ENPP2: variants seen among roughly 807,000 people sequenced by gnomAD.
The protein encoded by ENPP2 is autotaxin.
In ENPP2, 51 loss-of-function variants were observed where a neutral mutation model predicts 120.2. The observed-to-expected ratio is 0.42, with a 90% CI of 0.34 to 0.54. The LOEUF is 0.54. ENPP2 is among the 20% of genes least tolerant of loss of function. The pLI is 0.04. For missense variants in ENPP2, 920 were observed against 1,066.5 expected, an observed-to-expected ratio of 0.86 and a Z score of 1.91; for synonymous variants, 365 against 366.4, an observed-to-expected ratio of 1.00 and a Z score of 0.04.
At position 119,559,355 on chromosome 8, in the gene ENPP2, C is replaced by G. The variant is rs1813731728; in HGVS notation, c.2422-1664G>C. Among the ~76,000 whole-genome samples, 7 of 152,084 alleles carry G rather than the reference C, an allele frequency of 4.6e-5. No individual in the cohort carries two copies. The South Asian group carries it at 1.5e-3, about 32-fold the overall frequency. ...CAATTTTTTTCTTTGTAAATGCAGT[C>G]ATTTTGAATGTGTGGACAGGGGTGA... On this transcript the variant is annotated intron_variant, in intron 24 of 24. Coordinates refer to ENST00000075322, the MANE Select transcript of ENPP2 (RefSeq NM_001040092.3).
At chr8:119,573,494 A>G (rs1056113102) in intron 19 of ENPP2, among the ~76,000 whole-genome samples, 64 of 148,176 alleles carry the variant, frequency 4.3e-4, no homozygotes, top group Non-Finnish European at 8.3e-4. Flanking sequence ...ACTGCTCTAC[A>G]TATATAGATT....
At chr8:119,638,000 T>G (rs1240274974) in intron 2 of ENPP2, among the ~76,000 whole-genome samples, 1 of 152,228 alleles carries the variant, frequency 6.6e-6, no homozygotes, top group Non-Finnish European at 1.5e-5. Flanking sequence ...TAAAGATAGC[T>G]CACTGCCTTT....
At chr8:119,595,392 C>T (rs372209022) in intron 11 of ENPP2, among the ~76,000 whole-genome samples, 2 of 152,284 alleles carry the variant, frequency 1.3e-5, no homozygotes, top group East Asian at 1.9e-4. Flanking sequence ...TTAGCTATTT[C>T]CTTCTCTATA....
chr8:119,581,384 T>C (rs1392041012), intron 18 of ENPP2, among the ~76,000 whole-genome samples: 1 of 152,002 alleles, frequency 6.6e-6, no homozygotes, highest in Non-Finnish European at 1.5e-5. Flanking sequence ...CCTGGGAGGC[T>C]GACCTCTAGG....
At chr8:119,582,280 C>G in intron 18 of ENPP2, 138 bp downstream of exon 18, 1 of 641,152 alleles carries the variant, frequency 1.6e-6, no homozygotes, top group Non-Finnish European at 2.7e-6. Context: ...ATTTGAGTTC[C>G]TCAGTCACAC....
At position 119,638,795 on chromosome 8, in the gene ENPP2, G is replaced by A; in HGVS notation, c.-15C>T. 6.2e-7 allele frequency: 1 copy of A among 1,613,790 alleles called. No homozygotes were observed. The highest frequency in any genetic ancestry group is 8.5e-7 in the Non-Finnish European group (1 of 1,179,694). On this transcript the variant is annotated 5_prime_UTR_variant, in exon 1 of 25. Transcript: ENST00000075322. ...CTCCTTGCCATGTCGAGGATTCTTGGAAAGCCTTTTGCAGCGTGTTCTCTT... is the reference window on the plus strand; with the variant it reads ...CTCCTTGCCATGTCGAGGATTCTTGAAAAGCCTTTTGCAGCGTGTTCTCTT...
intron 1 of ENPP2, among the ~76,000 whole-genome samples, chr8:119,653,255 C>T (rs1173405736): frequency 3.9e-5 from 6 of 152,182 alleles, no homozygotes; most frequent in African/African-American, 1.4e-4. Context: ...TGTTTATTTA[C>T]TCAGCAAACT....
intron 1 of ENPP2, among the ~76,000 whole-genome samples, chr8:119,644,587 A>AATATATATATAT (rs33966650): frequency 0.011 from 670 of 59,612 alleles, 1 homozygote; most frequent in Non-Finnish European, 0.015. Flanking sequence ...AGATTACTAA[A>AATATATATATAT]ATATATATAT....
intron 5 of ENPP2, 64 bp downstream of exon 5, chr8:119,619,180 C>T (rs1815701298): frequency 5.1e-6 from 6 of 1,173,064 alleles, no homozygotes; most frequent in Non-Finnish European, 7.6e-6. Flanking sequence ...CTTCTCTTTT[C>T]ATTTCCTGTG....
chr8:119,597,316 C>A (rs999232243), intron 11 of ENPP2, among the ~76,000 whole-genome samples: 1 of 152,168 alleles, frequency 6.6e-6, no homozygotes, highest in Non-Finnish European at 1.5e-5. Context: ...GCGCTCAAGT[C>A]GGCCCATCAA....
At chr8:119,649,411 A>AAAAAGAAAAG (rs543397920) in intron 1 of ENPP2, among the ~76,000 whole-genome samples, 16 of 150,600 alleles carry the variant, frequency 1.1e-4, no homozygotes, top group South Asian at 4.2e-4. Context: ...CAAAAAAAAA[A>AAAAAGAAAAG]AAAAGAAAAG....
chr8:119,597,566 G>A (rs1813985852), intron 11 of ENPP2, among the ~76,000 whole-genome samples: 1 of 152,212 alleles, frequency 6.6e-6, no homozygotes, highest in Non-Finnish European at 1.5e-5. Context: ...TTAAGAGGAT[G>A]GGAGGTAGAG....
At chr8:119,652,789 T>C (rs1284240752) in intron 1 of ENPP2, among the ~76,000 whole-genome samples, 1 of 152,156 alleles carries the variant, frequency 6.6e-6, no homozygotes. Flanking sequence ...CCATGGACTG[T>C]ATCAAAATTC....
chr8:119,599,983 G>T (rs140531940), intron 11 of ENPP2, among the ~76,000 whole-genome samples: 12,324 of 147,974 alleles, frequency 0.083, 562 homozygotes, highest in South Asian at 0.16. Flanking sequence ...CTCCAGCCTA[G>T]GTGACGGAGC....
chr8:119,614,542 A>G (rs1815335190), intron 8 of ENPP2, among the ~76,000 whole-genome samples: 1 of 152,196 alleles, frequency 6.6e-6, no homozygotes, highest in Admixed American at 6.5e-5. Context: ...TTCATTGGGC[A>G]GGTTAACAGC....
chr8:119,648,315 G>C (rs756809639), intron 1 of ENPP2, among the ~76,000 whole-genome samples: 1 of 152,130 alleles, frequency 6.6e-6, no homozygotes, highest in African/African-American at 2.4e-5. Context: ...TAGTGACATG[G>C]GTTCTAAGAA....
At chr8:119,583,481 G>C (rs555790106) in intron 17 of ENPP2, among the ~76,000 whole-genome samples, 1 of 152,200 alleles carries the variant, frequency 6.6e-6, no homozygotes, top group East Asian at 1.9e-4. Context: ...CCAGCCAGAG[G>C]CTGCCAACAG....
At chr8:119,660,475 G>A (rs892317272) in intron 1 of ENPP2, among the ~76,000 whole-genome samples, 1 of 152,130 alleles carries the variant, frequency 6.6e-6, no homozygotes, top group African/African-American at 2.4e-5. Context: ...TCTTTGAAAA[G>A]GACAGTATTT....
chr8:119,572,329 T>C, intron 19 of ENPP2: 2 of 1,018,696 alleles, frequency 2.0e-6, no homozygotes, highest in Non-Finnish European at 3.0e-6. Flanking sequence ...CCACACACAG[T>C]CCTCCAAACT....
Sources: allele counts gnomAD v4.1 joint callset (sites outside exome capture counted in the v4.1 genomes callset), GRCh38; gene constraint gnomAD v4.1.1; transcripts MANE v1.5; gene names NCBI Gene and HGNC (gene_info 2026-07-23, HGNC 2026-07-21).